SORCS2: variants seen among roughly 807,000 people sequenced by gnomAD.
SORCS2 encodes sortilin related VPS10 domain containing receptor 2, also known as VPS10 domain-containing receptor SorCS2.
Under a neutral mutation model 141.6 loss-of-function variants are expected in SORCS2, and 100 were observed. The observed-to-expected ratio is 0.71, with a 90% CI of 0.60 to 0.83. The LOEUF is 0.83. Among genes scored for constraint, SORCS2 ranks in the 40% least tolerant of loss-of-function variants. The pLI, the probability that SORCS2 is intolerant of heterozygous loss-of-function variation, is 0.00. For synonymous variants in SORCS2, 789 were observed against 676.9 expected, an observed-to-expected ratio of 1.17 and a Z score of -2.57; for missense variants, 1,646 against 1,560.2, an observed-to-expected ratio of 1.05 and a Z score of -0.93.
chr4:7,740,969 G>A lies in SORCS2; in HGVS notation c.*705G>A, dbSNP rs1712625117. The A allele has an allele frequency of 7.5e-6, 3 of 398,162 alleles. No individual in the cohort carries two copies. The highest frequency in any genetic ancestry group is 1.4e-4 in the South Asian group (1 of 7,390). 24.7% of individuals were successfully genotyped at this position (398,162 alleles called of 1,614,324 possible). On this transcript the variant is annotated 3_prime_UTR_variant, in exon 27 of 27. Coordinates refer to ENST00000507866, the MANE Select transcript of SORCS2 (RefSeq NM_020777.3). The stretch of plus-strand genomic sequence containing the variant: ...GCCCAGGGTGTCTCCTCTGCCCAGA[G>A]GGGCAGCAGCTCTCCCTGGTTCTCC...
chr4:7,589,965 G>C (rs993001478), intron 3 of SORCS2, among the ~76,000 whole-genome samples: 1 of 152,198 alleles, frequency 6.6e-6, no homozygotes, highest in South Asian at 2.1e-4. Context: ...CCTGGGGCAC[G>C]GAATGGCGGG....
chr4:7,619,026 G>C (rs16840680), intron 3 of SORCS2, among the ~76,000 whole-genome samples: 3,918 of 152,244 alleles, frequency 0.026, 87 homozygotes, highest in African/African-American at 0.059. Context: ...TCTCTGAAAA[G>C]TACAGGTGTC....
chr4:7,446,131 G>A lies in SORCS2; in HGVS notation c.548+49776G>A, dbSNP rs139293500. ...GGTTGAGCTTAAAGCCAATGAAAGAGGTCAGACTGGGGGTTGGAGGGATGG... is the reference window on the plus strand; with the variant it reads ...GGTTGAGCTTAAAGCCAATGAAAGAAGTCAGACTGGGGGTTGGAGGGATGG... On this transcript the variant is annotated intron_variant, in intron 2 of 26. Transcript: ENST00000507866. 1.6e-4 allele frequency among the ~76,000 whole-genome samples: 24 copies of A among 151,874 alleles called. No individual in the cohort carries two copies. In the East Asian group the frequency reaches 3.9e-3, roughly 25 times the overall value.
intron 5 of SORCS2, among the ~76,000 whole-genome samples, chr4:7,654,615 C>A (rs957185921): frequency 6.6e-6 from 1 of 152,306 alleles, no homozygotes. Flanking sequence ...CCCTGCCCGA[C>A]CCCAGGCCCT....
chr4:7,579,958 G>T (rs1021221416), intron 3 of SORCS2, among the ~76,000 whole-genome samples: 1 of 152,180 alleles, frequency 6.6e-6, no homozygotes, highest in Non-Finnish European at 1.5e-5. Flanking sequence ...AGTCCAGGCA[G>T]AGGGAAGGAT....
In SORCS2 at chr4:7,402,913, A is replaced by T. The variant is rs193089418; in HGVS notation, c.548+6558A>T. The stretch of plus-strand genomic sequence containing the variant: ...CCTGTCTTTTTACATTGGGTTGCTT[A>T]ACTTTTTCTTGACCCGTACCTCTCT... On this transcript the variant is annotated intron_variant, in intron 2 of 26. Transcript: ENST00000507866. Among the ~76,000 whole-genome samples, 8 of 152,048 alleles carry T rather than the reference A, an allele frequency of 5.3e-5. No homozygotes were observed. The East Asian group carries it at 1.5e-3, about 29-fold the overall frequency.
In SORCS2 at chr4:7,291,132, G is replaced by T. The variant is rs563706112; in HGVS notation, c.480+98006G>T. Among the ~76,000 whole-genome samples, 4 of 152,264 alleles carry T rather than the reference G, an allele frequency of 2.6e-5. No individual in the cohort carries two copies. The East Asian group carries it at 7.7e-4, about 29-fold the overall frequency. ...TCCTGAGGTGGGAGGGACCCTGGGT[G>T]TCTAAGGCAGAGGCACCTGTGACAT... On this transcript the variant is annotated intron_variant, in intron 1 of 26. Coordinates refer to ENST00000507866, the MANE Select transcript of SORCS2 (RefSeq NM_020777.3).
At chr4:7,534,386 G>A (rs1030098079) in intron 3 of SORCS2, among the ~76,000 whole-genome samples, 1 of 152,208 alleles carries the variant, frequency 6.6e-6, no homozygotes, top group African/African-American at 2.4e-5. Context: ...GTGATCAAGG[G>A]TGGGCTTGAC....
chr4:7,536,832 TGG>T (rs367859799), intron 3 of SORCS2, among the ~76,000 whole-genome samples: 15 of 6,150 alleles, frequency 2.4e-3, no homozygotes, highest in South Asian at 0.04. Flanking sequence ...TACTCAGATG[TGG>T]GGGGGGGGGG....
intron 3 of SORCS2, among the ~76,000 whole-genome samples, chr4:7,544,956 G>A (rs1713130042): frequency 6.6e-6 from 1 of 152,202 alleles, no homozygotes; most frequent in South Asian, 2.1e-4. Flanking sequence ...TCCAATCAGC[G>A]ATGTTCTCCA....
rs529547817 is a variant in SORCS2, at chr4:7,554,581, T to C, written c.648+22952T>C. On this transcript the variant is annotated intron_variant, in intron 3 of 26. Transcript: ENST00000507866. The stretch of plus-strand genomic sequence containing the variant: ...AAATTCAGCAAACACCATTAAAGTG[T>C]TTGGAGGTGAAGTGTTAAGAATATG... 3.3e-5 allele frequency among the ~76,000 whole-genome samples: 5 copies of C among 152,182 alleles called. No individual in the cohort carries two copies. The East Asian group carries it at 9.7e-4, about 29-fold the overall frequency.
At chr4:7,552,044 G>C (rs994211642) in intron 3 of SORCS2, among the ~76,000 whole-genome samples, 1 of 152,154 alleles carries the variant, frequency 6.6e-6, no homozygotes, top group Non-Finnish European at 1.5e-5. Context: ...GGATGCTGCC[G>C]AGATATGAAT....
intron 3 of SORCS2, among the ~76,000 whole-genome samples, chr4:7,580,900 TATA>T (rs1472373696): frequency 2.0e-5 from 3 of 152,092 alleles, no homozygotes; most frequent in Non-Finnish European, 4.4e-5. Flanking sequence ...TCCCCCAAAT[TATA>T]ATAATAGATA....
At chr4:7,577,737 G>A (rs1208073088) in intron 3 of SORCS2, among the ~76,000 whole-genome samples, 1 of 150,288 alleles carries the variant, frequency 6.7e-6, no homozygotes, top group Non-Finnish European at 1.5e-5. Context: ...AAGTCAGCTA[G>A]TGCCATGGTT....
chr4:7,218,813 T>C (rs1728526758), intron 1 of SORCS2, among the ~76,000 whole-genome samples: 1 of 152,316 alleles, frequency 6.6e-6, no homozygotes, highest in South Asian at 2.1e-4. Context: ...GCCACCTTAG[T>C]TCATGTCCGG....
At position 7,554,195 on chromosome 4, in the gene SORCS2, C is replaced by T. The variant is rs190631005; in HGVS notation, c.648+22566C>T. Among the ~76,000 whole-genome samples the T allele has an allele frequency of 3.9e-5, 6 of 152,260 alleles. No homozygotes were observed. In the East Asian group the frequency reaches 5.8e-4, roughly 15 times the overall value. ...ATGGGGAGGACAGGACCAGGGAGGACGGTGCCAGAGGGGAGCTGCACCCAC... is the reference window on the plus strand; with the variant it reads ...ATGGGGAGGACAGGACCAGGGAGGATGGTGCCAGAGGGGAGCTGCACCCAC... On this transcript the variant is annotated intron_variant, in intron 3 of 26. Transcript: ENST00000507866.
chr4:7,496,081 G>A (rs977770993), intron 2 of SORCS2, among the ~76,000 whole-genome samples: 2 of 152,216 alleles, frequency 1.3e-5, no homozygotes, highest in Non-Finnish European at 2.9e-5. Flanking sequence ...AGAATGGACG[G>A]GGGTGGGGAT....
chr4:7,565,596 A>T (rs926240994), intron 3 of SORCS2, among the ~76,000 whole-genome samples: 1 of 151,822 alleles, frequency 6.6e-6, no homozygotes, highest in African/African-American at 2.4e-5. Context: ...GATGATGGTG[A>T]TGGTAATGAT....
At chr4:7,530,234 C>T (rs904854168) in intron 2 of SORCS2, among the ~76,000 whole-genome samples, 2 of 152,232 alleles carry the variant, frequency 1.3e-5, no homozygotes, top group African/African-American at 2.4e-5. Context: ...TCCCCTCGGC[C>T]CCCAGAGGAC....
Sources: allele counts gnomAD v4.1 joint callset (sites outside exome capture counted in the v4.1 genomes callset), GRCh38; gene constraint gnomAD v4.1.1; transcripts MANE v1.5; gene names NCBI Gene and HGNC (gene_info 2026-07-23, HGNC 2026-07-21).